ADGRB3: variants seen among roughly 807,000 people sequenced by gnomAD.
ADGRB3 encodes the protein brain-specific angiogenesis inhibitor 3.
ADGRB3 carries 37 observed loss-of-function variants against 193.4 expected under a neutral mutation model. The observed-to-expected ratio is 0.19, with a 90% confidence interval of 0.15 to 0.25. The LOEUF is 0.25. Ranked by LOEUF, ADGRB3 falls within the 10% of genes least tolerant of loss-of-function variation. ADGRB3 has a pLI of 1.00. For synonymous variants in ADGRB3, 690 were observed against 644.2 expected, an observed-to-expected ratio of 1.07 and a Z score of -1.08; for missense variants, 1,637 against 1,852.9, an observed-to-expected ratio of 0.88 and a Z score of 2.14.
intron 5 of ADGRB3, 110 bp from the exon 6 acceptor site, chr6:68,943,720 A>AT: frequency 1.2e-6 from 1 of 861,044 alleles, no homozygotes. Flanking sequence ...GAGTTTTAAC[A>AT]TATCTTTACA....
At chr6:68,803,934 A>C (rs989264046) in intron 3 of ADGRB3, among the ~76,000 whole-genome samples, 2 of 152,168 alleles carry the variant, frequency 1.3e-5, no homozygotes, top group Non-Finnish European at 2.9e-5. Context: ...CCAACATTCA[A>C]TACCATTGAA....
intron 3 of ADGRB3, among the ~76,000 whole-genome samples, chr6:68,700,232 G>A (rs973848437): frequency 6.6e-6 from 1 of 152,102 alleles, no homozygotes; most frequent in South Asian, 2.1e-4. Context: ...CAGGGCAGAA[G>A]TTTCAAATCC....
intron 3 of ADGRB3, among the ~76,000 whole-genome samples, chr6:68,643,593 T>C (rs13206914): frequency 2.0e-5 from 3 of 152,102 alleles, no homozygotes; most frequent in Non-Finnish European, 4.4e-5. Flanking sequence ...GCACATACTG[T>C]ACTTCTTTTC....
At position 68,993,852 on chromosome 6, in the gene ADGRB3, C is replaced by G; in HGVS notation, c.1819C>G (p.Gln607Glu). 2 of 1,613,962 alleles carry G rather than the reference C, an allele frequency of 1.2e-6. No homozygotes were observed. The highest frequency in any genetic ancestry group is 1.7e-6 in the Non-Finnish European group (2 of 1,179,892). The change falls in exon 11 of 32, where the codon CAG (glutamine) becomes GAG (glutamate). Residue 607 changes from glutamine to glutamate, a missense_variant. Around this residue, in one of 7 missense-constraint regions of ADGRB3, gnomAD observed 641 missense variants for 673.9 expected, o/e 0.95. Coordinates refer to ENST00000370598, the MANE Select transcript of ADGRB3 (RefSeq NM_001704.3). ...QVTKTLLDLT[Q>E]RKNFYAGDLL... ...GACCAAGACACTGTTGGATTTAACT[C>G]AGAGAAAAAATTTCTATGCAGGCGA... is the stretch of plus-strand genomic sequence containing the variant.
intron 24 of ADGRB3, among the ~76,000 whole-genome samples, chr6:69,337,002 G>A (rs1768863950): frequency 6.6e-6 from 1 of 152,028 alleles, no homozygotes; most frequent in Admixed American, 6.6e-5. Context: ...AGTAGGCATA[G>A]GTCTTCTAGT....
Position 69,357,348 on chromosome 6 carries a change from T to C in ADGRB3, c.3595+1488T>C, listed in dbSNP as rs527496789. Among the ~76,000 whole-genome samples the C allele has an allele frequency of 2.0e-5, 3 of 152,152 alleles. No homozygotes were observed. The East Asian group carries it at 5.8e-4, about 29-fold the overall frequency. Reference sequence around the variant, plus strand: ...GTAAAGGTTTTGTTTTTGGTATGTTTTCCTTGAAAAAGAAATTTGTCCTTT... The same window carrying C: ...GTAAAGGTTTTGTTTTTGGTATGTTCTCCTTGAAAAAGAAATTTGTCCTTT... On this transcript the variant is annotated intron_variant, in intron 28 of 31. Coordinates refer to ENST00000370598, the MANE Select transcript of ADGRB3 (RefSeq NM_001704.3).
chr6:68,871,869 G>A (rs1423995560), intron 3 of ADGRB3, among the ~76,000 whole-genome samples: 1 of 151,990 alleles, frequency 6.6e-6, no homozygotes, highest in Non-Finnish European at 1.5e-5. Context: ...ACCTAAAGGC[G>A]AGAAAGAACA....
intron 3 of ADGRB3, among the ~76,000 whole-genome samples, chr6:68,848,318 A>G (rs917840138): frequency 6.6e-6 from 1 of 152,056 alleles, no homozygotes; most frequent in Non-Finnish European, 1.5e-5. Flanking sequence ...TATTATCCCT[A>G]TTAATAGCAA....
At chr6:68,899,467 G>A (rs1022044505) in intron 3 of ADGRB3, among the ~76,000 whole-genome samples, 20 of 115,466 alleles carry the variant, frequency 1.7e-4, no homozygotes, top group Non-Finnish European at 2.9e-4. Flanking sequence ...ACAGTCCCCA[G>A]AGTGTGATAT....
At position 69,235,146 on chromosome 6, in the gene ADGRB3, A is replaced by T; in HGVS notation, c.2711+11A>T. 1 of 1,559,266 alleles carries T rather than the reference A, an allele frequency of 6.4e-7. No individual in the cohort carries two copies. Among genetic ancestry groups the T allele is most frequent in the Non-Finnish European group, 8.8e-7 (1 of 1,132,586 alleles). On this transcript the variant is annotated intron_variant, in intron 19 of 31. Coordinates refer to ENST00000370598, the MANE Select transcript of ADGRB3 (RefSeq NM_001704.3). Reference sequence around the variant, plus strand: ...TGCAGCATTATGGAGGTAAGTAATCAATTGATAGACCTGAAATGCAATGCT... The same window carrying T: ...TGCAGCATTATGGAGGTAAGTAATCTATTGATAGACCTGAAATGCAATGCT...
chr6:69,232,941 C>T, intron 17 of ADGRB3: 2 of 452,730 alleles, frequency 4.4e-6, no homozygotes, highest in Non-Finnish European at 7.9e-6. Flanking sequence ...TGAAACAATC[C>T]GATGAGCATA....
chr6:68,975,178 T>C (rs1182355925), intron 9 of ADGRB3, 56 bp from the exon 10 acceptor site: 3 of 1,406,228 alleles, frequency 2.1e-6, no homozygotes, highest in African/African-American at 1.4e-5. Flanking sequence ...CAGCTAAGTG[T>C]GATGCCTTCA....
chr6:69,145,655 A>T (rs1473849282), intron 17 of ADGRB3, among the ~76,000 whole-genome samples: 2 of 152,034 alleles, frequency 1.3e-5, no homozygotes, highest in Admixed American at 6.5e-5. Flanking sequence ...AAAGATGAAG[A>T]GTAGCTTTAT....
intron 11 of ADGRB3, among the ~76,000 whole-genome samples, chr6:69,000,616 A>T (rs1384635979): frequency 6.6e-6 from 1 of 151,264 alleles, no homozygotes; most frequent in Admixed American, 6.6e-5. Context: ...AGTATGAAAC[A>T]TGTGGCAATA....
intron 3 of ADGRB3, among the ~76,000 whole-genome samples, chr6:68,898,047 GAGAA>G (rs1320903290): frequency 6.7e-6 from 1 of 149,862 alleles, no homozygotes; most frequent in African/African-American, 2.4e-5. Context: ...GAGAGAGACA[GAGAA>G]AGAGAGGTTT....
intron 17 of ADGRB3, among the ~76,000 whole-genome samples, chr6:69,202,563 G>T (rs1038362805): frequency 6.6e-6 from 1 of 152,058 alleles, no homozygotes; most frequent in Non-Finnish European, 1.5e-5. Flanking sequence ...CTTTTCACAG[G>T]TAGACTCGAA....
At chr6:68,707,461 A>G (rs538416511) in intron 3 of ADGRB3, among the ~76,000 whole-genome samples, 1 of 152,298 alleles carries the variant, frequency 6.6e-6, no homozygotes, top group South Asian at 2.1e-4. Context: ...TTCCCAATAT[A>G]TGCCATTTAT....
At chr6:68,992,859 T>C (rs558041384) in intron 10 of ADGRB3, among the ~76,000 whole-genome samples, 23 of 152,318 alleles carry the variant, frequency 1.5e-4, no homozygotes, top group African/African-American at 5.0e-4. Flanking sequence ...TAATGTACTT[T>C]AACCTTCCTA....
chr6:69,073,757 G>T (rs1772147345), intron 16 of ADGRB3, among the ~76,000 whole-genome samples: 1 of 152,168 alleles, frequency 6.6e-6, no homozygotes, highest in Non-Finnish European at 1.5e-5. Flanking sequence ...AATAGGGCCA[G>T]ACTGCTCAGA....
Sources: gnomAD v4.1 joint callset for allele counts (sites outside exome capture counted in the v4.1 genomes callset) on GRCh38, gnomAD v4.1.1 for gene constraint, gnomAD v4.1.1 regional missense constraint, MANE v1.5 for transcripts, NCBI Gene and HGNC (gene_info 2026-07-23, HGNC 2026-07-21) for gene names.